LRBA: variants seen among roughly 807,000 people sequenced by gnomAD.
The protein encoded by LRBA is LPS responsive beige-like anchor protein.
LRBA carries 176 observed loss-of-function variants against 330.0 expected under a neutral mutation model. The observed-to-expected ratio is 0.53, with a 90% CI of 0.47 to 0.60. The LOEUF is 0.60. LRBA is among the 20% of genes least tolerant of loss of function. LRBA has a pLI of 0.00. For missense variants in LRBA, 3,259 were observed against 3,444.8 expected, an observed-to-expected ratio of 0.95 and a Z score of 1.35; for synonymous variants, 1,230 against 1,193.0, an observed-to-expected ratio of 1.03 and a Z score of -0.64.
intron 10 of LRBA, 37 bp from the exon 11 acceptor site, chr4:150,908,504 T>C (rs1379524451): frequency 2.6e-6 from 4 of 1,559,200 alleles, no homozygotes; most frequent in African/African-American, 1.4e-5. Flanking sequence ...AGTTCAATGA[T>C]TTTTTTTCCA....
At chr4:150,373,172 TGA>T (rs902421554) in intron 47 of LRBA, among the ~76,000 whole-genome samples, 1,244 of 97,280 alleles carry the variant, frequency 0.013, 15 homozygotes, top group East Asian at 0.042. Flanking sequence ...TGTGTGTGTG[TGA>T]GAGAGAGAGA....
At chr4:150,825,409 C>T (rs1422157405) in intron 30 of LRBA, among the ~76,000 whole-genome samples, 1 of 152,110 alleles carries the variant, frequency 6.6e-6, no homozygotes, top group Admixed American at 6.6e-5. Context: ...TCTTGTTGCC[C>T]AGGCTGGAGT....
rs140655974 is a variant in LRBA at position 150,905,861 on chromosome 4, T to C, written c.1732A>G (p.Ile578Val). The C allele has an allele frequency of 2.9e-5, 46 of 1,613,344 alleles. No individual in the cohort carries two copies. In the African/African-American group the frequency reaches 4.7e-4, roughly 16 times the overall value. ...ACCTTGGCTGGGGTATGAATCCATA[T>C]GGCAGGATTAAGAAGAACGTGATCA... ...LCDHVLLNPA[I>V]WIHTPAKVQL... The change falls in exon 13 of 57, where the codon ATA becomes GTA. Residue 578 changes from isoleucine (I) to valine (V), a missense_variant. Ile to Val is a conservative substitution (Grantham distance 29, BLOSUM62 3). Transcript: ENST00000651943.
At chr4:150,497,180 C>T (rs1354132936) in intron 40 of LRBA, among the ~76,000 whole-genome samples, 1 of 152,034 alleles carries the variant, frequency 6.6e-6, no homozygotes, top group African/African-American at 2.4e-5. Flanking sequence ...ATAGTTTTTA[C>T]ATTTTGCTAT....
Position 150,953,413 on chromosome 4 carries a change from G to C in LRBA, c.217-24348C>G, listed in dbSNP as rs755198903. Among the ~76,000 whole-genome samples the C allele has an allele frequency of 3.2e-4, 36 of 112,600 alleles. 1 individual carries two copies. The highest frequency in any genetic ancestry group is 3.2e-4 in the Non-Finnish European group (19 of 60,260). The allele number at this position is 112,600 out of a possible 152,430, so 73.9% of individuals were successfully genotyped here. A position where few individuals can be genotyped will look rare whatever the true frequency, so the allele number is the denominator to read the frequency against. On this transcript the variant is annotated intron_variant, in intron 2 of 56. Transcript: ENST00000651943. Reference sequence around the variant, plus strand: ...CTTTGCACGGTCTCCCTCTGATGCCGAGCCAAGGCTGGACTGTACTGCCGC... The same window carrying C: ...CTTTGCACGGTCTCCCTCTGATGCCCAGCCAAGGCTGGACTGTACTGCCGC...
intron 2 of LRBA, among the ~76,000 whole-genome samples, chr4:150,935,872 T>C (rs1256302075): frequency 6.6e-6 from 1 of 151,872 alleles, no homozygotes; most frequent in Non-Finnish European, 1.5e-5. Flanking sequence ...TTACAAAATA[T>C]GCCAAAATAA....
At chr4:150,763,642 A>T (rs965276493) in intron 34 of LRBA, among the ~76,000 whole-genome samples, 1 of 151,986 alleles carries the variant, frequency 6.6e-6, no homozygotes, top group Non-Finnish European at 1.5e-5. Context: ...GAATGATGAC[A>T]AAAAGCAGAA....
At chr4:150,538,031 A>G (rs1764870482) in intron 40 of LRBA, among the ~76,000 whole-genome samples, 1 of 152,192 alleles carries the variant, frequency 6.6e-6, no homozygotes, top group South Asian at 2.1e-4. Context: ...AATATATTAA[A>G]AAGTGCTCAA....
At chr4:150,931,580 C>A (rs1734506827) in intron 2 of LRBA, among the ~76,000 whole-genome samples, 1 of 149,578 alleles carries the variant, frequency 6.7e-6, no homozygotes, top group Non-Finnish European at 1.5e-5. Flanking sequence ...GGCAACACAG[C>A]CAGACTCTGT....
intron 17 of LRBA, among the ~76,000 whole-genome samples, chr4:150,877,370 G>T (rs1754166485): frequency 6.6e-6 from 1 of 151,854 alleles, no homozygotes. Context: ...AAAAGAGCAG[G>T]TGTCACTATT....
At chr4:150,758,939 G>A (rs1734700792) in intron 35 of LRBA, among the ~76,000 whole-genome samples, 1 of 151,832 alleles carries the variant, frequency 6.6e-6, no homozygotes, top group Non-Finnish European at 1.5e-5. Flanking sequence ...CCCCACGACA[G>A]GGTCTTGCTC....
At chr4:150,750,500 T>C (rs1733380268) in intron 35 of LRBA, among the ~76,000 whole-genome samples, 1 of 152,220 alleles carries the variant, frequency 6.6e-6, no homozygotes, top group Non-Finnish European at 1.5e-5. Flanking sequence ...TTATTTTTAA[T>C]ATCATTTTTG....
Position 150,916,519 on chromosome 4 carries a change from G to T in LRBA, c.776C>A (p.Thr259Asn). 6.2e-7 allele frequency: 1 copy of T among 1,612,816 alleles called. No homozygotes were observed. ...AGCAGAATAGCCAAGACCTTTGCTG[G>T]TTCTGAAACTATAAAGAATAGTTTT... ...KDKPYLYCFR[T>N]SKGLGYSAHF... The change falls in exon 7 of 57, where the codon ACC becomes AAC. Residue 259 changes from threonine to asparagine, a missense_variant. Physicochemically the swap from Thr to Asn is moderately conservative, Grantham distance 65. Transcript: ENST00000651943.
chr4:150,490,546 CA>C (rs1474799525), intron 41 of LRBA, among the ~76,000 whole-genome samples: 1 of 151,764 alleles, frequency 6.6e-6, no homozygotes, highest in Non-Finnish European at 1.5e-5. Flanking sequence ...ATTAAATAGA[CA>C]TATGAATCGT....
intron 34 of LRBA, among the ~76,000 whole-genome samples, chr4:150,777,475 T>C (rs1247184019): frequency 6.6e-6 from 1 of 152,168 alleles, no homozygotes; most frequent in African/African-American, 2.4e-5. Flanking sequence ...GGTTCTTCAA[T>C]GAAATATCCA....
intron 2 of LRBA, among the ~76,000 whole-genome samples, chr4:150,951,929 T>C (rs1025340330): frequency 6.6e-6 from 1 of 152,210 alleles, no homozygotes; most frequent in African/African-American, 2.4e-5. Context: ...ACTCAGCATA[T>C]GTTAAAAGTA....
intron 2 of LRBA, among the ~76,000 whole-genome samples, chr4:150,951,513 G>C (rs1351914838): frequency 6.6e-6 from 1 of 152,082 alleles, no homozygotes; most frequent in Non-Finnish European, 1.5e-5. Context: ...TACAATTGCA[G>C]GGTTTTTTCC....
At position 150,710,317 on chromosome 4, in the gene LRBA, G is replaced by T. The variant is rs554821283; in HGVS notation, c.5754+24941C>A. 3.2e-4 allele frequency among the ~76,000 whole-genome samples: 48 copies of T among 152,160 alleles called. No homozygotes were observed. In the South Asian group the frequency reaches 9.8e-3, roughly 31 times the overall value. On this transcript the variant is annotated intron_variant, in intron 36 of 56. Transcript: ENST00000651943. ...ATTTCTCAGATGGGAAAAAATGGAG[G>T]AGTAGTTAACAGGGGAATATACAGT...
chr4:150,797,963 C>A (rs1741036782), intron 34 of LRBA, 118 bp downstream of exon 34: 3 of 621,610 alleles, frequency 4.8e-6, no homozygotes, highest in Admixed American at 2.8e-5. Flanking sequence ...TATTTTAAAA[C>A]AGCAAACTCA....
Sources: gnomAD v4.1 joint callset for allele counts (sites outside exome capture counted in the v4.1 genomes callset) on GRCh38, gnomAD v4.1.1 for gene constraint, MANE v1.5 for transcripts, NCBI Gene and HGNC (gene_info 2026-07-23, HGNC 2026-07-21) for gene names.